SCGN: variants seen among roughly 807,000 people sequenced by gnomAD.
The protein encoded by SCGN is secretagogin, EF-hand calcium binding protein.
A neutral mutation model predicts 39.7 loss-of-function variants in SCGN; 30 were observed. That is an observed-to-expected ratio of 0.76 (90% CI 0.57 to 1.03). The LOEUF (loss-of-function observed/expected upper bound fraction) is 1.03, where lower values mean the gene tolerates loss of function less well. Among genes scored for constraint, SCGN ranks in the 50% least tolerant of loss-of-function variants. The pLI, the probability that SCGN is intolerant of heterozygous loss-of-function variation, is 0.00. For synonymous variants in SCGN, 106 were observed against 114.1 expected (o/e 0.93, Z 0.45); for missense variants, 353 against 349.4 (o/e 1.01, Z -0.08).
chr6:25,661,874 T>C (rs2151377700), intron 3 of SCGN, among the ~76,000 whole-genome samples: 1 of 152,348 alleles, frequency 6.6e-6, no homozygotes. Flanking sequence ...TATCATTTTA[T>C]TTAGGTCAAT....
chr6:25,656,704 G>A (rs1226594542), intron 2 of SCGN, among the ~76,000 whole-genome samples: 10 of 152,190 alleles, frequency 6.6e-5, no homozygotes. Flanking sequence ...GGAAGCCCCA[G>A]TTTCTTTTGC....
chr6:25,697,242 C>T (rs1192041015), intron 10 of SCGN, among the ~76,000 whole-genome samples: 1 of 152,184 alleles, frequency 6.6e-6, no homozygotes, highest in African/African-American at 2.4e-5. Flanking sequence ...ATATCTTAAG[C>T]AATAATGTCT....
chr6:25,677,078 A>G (rs1374705912), intron 6 of SCGN, among the ~76,000 whole-genome samples: 3 of 149,704 alleles, frequency 2.0e-5, no homozygotes, highest in African/African-American at 7.4e-5. Flanking sequence ...TGGCTAAACT[A>G]TTGCTAGCGT....
rs754274658 is a variant in SCGN, at chr6:25,669,993, C to T, written c.394-6C>T. On this transcript the variant is annotated splice_polypyrimidine_tract_variant and splice_region_variant and intron_variant, in intron 5 of 10. Coordinates refer to ENST00000377961, the MANE Select transcript of SCGN (RefSeq NM_006998.4). ...ATAAAGTATGATTCTTCTCTTGGCG[C>T]CACAGAACTTCCTCCGAGACCTCTT... 3.7e-6 allele frequency: 6 copies of T among 1,612,088 alleles called. No individual in the cohort carries two copies. The African/African-American group carries it at 5.3e-5, about 14-fold the overall frequency.
intron 2 of SCGN, among the ~76,000 whole-genome samples, chr6:25,658,862 A>G (rs1340952243): frequency 6.6e-6 from 1 of 152,238 alleles, no homozygotes; most frequent in African/African-American, 2.4e-5. Context: ...AAGTTTGTGT[A>G]TGATTGAACA....
intron 2 of SCGN, among the ~76,000 whole-genome samples, chr6:25,660,638 C>T (rs1213146975): frequency 6.6e-6 from 1 of 152,168 alleles, no homozygotes; most frequent in Non-Finnish European, 1.5e-5. Flanking sequence ...TGAGTTAGCC[C>T]AAGGCCACCC....
At chr6:25,652,759 T>C (rs1760156634) in intron 1 of SCGN, among the ~76,000 whole-genome samples, 1 of 152,068 alleles carries the variant, frequency 6.6e-6, no homozygotes, top group South Asian at 2.1e-4. Flanking sequence ...GACATACATA[T>C]ATATTGTATA....
Position 25,667,016 on chromosome 6 carries a change from T to C in SCGN, c.336+1984T>C, listed in dbSNP as rs1221061355. Among the ~76,000 whole-genome samples the C allele has an allele frequency of 2.0e-5, 3 of 152,174 alleles. No homozygotes were observed. In the East Asian group the frequency reaches 5.8e-4, roughly 29 times the overall value. On this transcript the variant is annotated intron_variant, in intron 4 of 10. Coordinates refer to ENST00000377961, the MANE Select transcript of SCGN (RefSeq NM_006998.4). ...ACAATATGACCCCCAATTCTGTTTTTTAGTGTATGTTGTAGAAACATGATA... is the reference window on the plus strand; with the variant it reads ...ACAATATGACCCCCAATTCTGTTTTCTAGTGTATGTTGTAGAAACATGATA...
chr6:25,661,760 C>A, intron 3 of SCGN, 116 bp downstream of exon 3: 2 of 687,604 alleles, frequency 2.9e-6, no homozygotes, highest in Non-Finnish European at 4.8e-6. Context: ...TACATTTGAT[C>A]AGGAAATTAG....
rs145458759 is a variant in SCGN at position 25,683,539 on chromosome 6, T to C, written c.527+1533T>C. On this transcript the variant is annotated intron_variant, in intron 7 of 10. Coordinates refer to ENST00000377961, the MANE Select transcript of SCGN (RefSeq NM_006998.4). ...CAATATGACCTACCTATGTATACAA[T>C]GCTAAAATAACTAACATCATGCACA... is the stretch of plus-strand genomic sequence containing the variant. 3.5e-4 allele frequency among the ~76,000 whole-genome samples: 53 copies of C among 152,264 alleles called. 1 individual carries two copies. The East Asian group carries it at 0.01, about 29-fold the overall frequency.
At chr6:25,653,629 C>G in intron 2 of SCGN, among the ~76,000 whole-genome samples, 177 bp downstream of exon 2, 1 of 152,198 alleles carries the variant, frequency 6.6e-6, no homozygotes, top group Non-Finnish European at 1.5e-5. Context: ...ATAAAAGGTG[C>G]AACTGTAGCA....
intron 10 of SCGN, among the ~76,000 whole-genome samples, chr6:25,692,704 C>G (rs890908596): frequency 6.6e-6 from 1 of 152,180 alleles, no homozygotes; most frequent in Admixed American, 6.5e-5. Context: ...TGGGAGGCAG[C>G]TGGGCTGGGC....
At chr6:25,661,086 A>C (rs1332663695) in intron 2 of SCGN, among the ~76,000 whole-genome samples, 1 of 152,080 alleles carries the variant, frequency 6.6e-6, no homozygotes, top group African/African-American at 2.4e-5. Context: ...CTCCCTTCTC[A>C]TTATGTTTTT....
At chr6:25,673,213 GC>G in intron 6 of SCGN, among the ~76,000 whole-genome samples, 1 of 152,292 alleles carries the variant, frequency 6.6e-6, no homozygotes, top group Non-Finnish European at 1.5e-5. Context: ...CTCTTGGGGT[GC>G]TTGGAGGGTT....
chr6:25,701,456 G>T lies in SCGN; in HGVS notation c.*121G>T, dbSNP rs974125073. On this transcript the variant is annotated 3_prime_UTR_variant, in exon 11 of 11. Transcript: ENST00000377961. ...CTCACAAATGGTGTGCTATTCTTGG[G>T]CAAGAACAGGGACGCTAGGGCCTTC... 1 of 1,299,428 alleles carries T rather than the reference G, an allele frequency of 7.7e-7. No homozygotes were observed. The allele number at this position is 1,299,428 out of a possible 1,614,324, so 80.5% of individuals were successfully genotyped here.
chr6:25,662,006 A>G (rs1760347508), intron 3 of SCGN, among the ~76,000 whole-genome samples: 1 of 152,144 alleles, frequency 6.6e-6, no homozygotes, highest in South Asian at 2.1e-4. Flanking sequence ...ATAAGGAAAA[A>G]CTTACTGATA....
At chr6:25,667,217 C>A (rs1001497254) in intron 4 of SCGN, among the ~76,000 whole-genome samples, 1 of 151,938 alleles carries the variant, frequency 6.6e-6, no homozygotes, top group African/African-American at 2.4e-5. Context: ...TCTTGAAAGA[C>A]CTTGAGAAGT....
intron 2 of SCGN, among the ~76,000 whole-genome samples, chr6:25,660,281 C>T (rs551796742): frequency 3.3e-5 from 5 of 152,274 alleles, no homozygotes; most frequent in South Asian, 4.2e-4. Context: ...CTCTTTCCAC[C>T]GTCTCCTCTT....
At chr6:25,661,333 G>A (rs2151377571) in intron 2 of SCGN, among the ~76,000 whole-genome samples, 1 of 152,122 alleles carries the variant, frequency 6.6e-6, no homozygotes, top group East Asian at 1.9e-4. Flanking sequence ...ACTGTAAATT[G>A]TACCTAGTCA....
Sources: gnomAD v4.1 joint callset for allele counts (sites outside exome capture counted in the v4.1 genomes callset) on GRCh38, gnomAD v4.1.1 for gene constraint, MANE v1.5 for transcripts, NCBI Gene and HGNC (gene_info 2026-07-23, HGNC 2026-07-21) for gene names.